Variants in IFNAR2 observed in about 807,000 individuals in gnomAD.
The protein encoded by IFNAR2 is interferon alpha/beta receptor 2.
IFNAR2 carries 30 observed loss-of-function variants against 49.4 expected under a neutral mutation model. That is an observed-to-expected ratio of 0.61 (90% CI 0.45 to 0.82). IFNAR2 has a LOEUF of 0.82. Among genes scored for constraint, IFNAR2 ranks in the 40% least tolerant of loss-of-function variants. The pLI is 0.00. For synonymous variants in IFNAR2, 224 were observed against 234.5 expected (o/e 0.96, Z 0.41); for missense variants, 600 against 622.7 (o/e 0.96, Z 0.39).
intron 5 of IFNAR2, among the ~76,000 whole-genome samples, chr21:33,248,272 C>G (rs1219862700): frequency 6.7e-6 from 1 of 150,040 alleles, no homozygotes; most frequent in African/African-American, 2.5e-5. Flanking sequence ...TTTGGGAGGC[C>G]TAGACCAGTG....
At chr21:33,234,087 A>G (rs1986258843) in intron 1 of IFNAR2, among the ~76,000 whole-genome samples, 1 of 152,168 alleles carries the variant, frequency 6.6e-6, no homozygotes, top group East Asian at 1.9e-4. Flanking sequence ...GGGATATCAT[A>G]GGAAATTATA....
intron 1 of IFNAR2, among the ~76,000 whole-genome samples, chr21:33,233,556 A>G (rs1382732900): frequency 6.6e-6 from 1 of 152,202 alleles, no homozygotes. Context: ...GGAGGGAAAA[A>G]CAAAATCAAG....
intron 8 of IFNAR2, among the ~76,000 whole-genome samples, chr21:33,261,648 G>T (rs1476868476): frequency 2.6e-5 from 4 of 152,150 alleles, no homozygotes; most frequent in Non-Finnish European, 5.9e-5. Flanking sequence ...GCTGAGGCGG[G>T]TGGATCATTT....
intron 8 of IFNAR2, 25 bp from the exon 9 acceptor site, chr21:33,262,768 C>A: frequency 6.4e-7 from 1 of 1,565,216 alleles, no homozygotes; most frequent in Non-Finnish European, 8.6e-7. Flanking sequence ...TACGGACTCT[C>A]TCTCTCTTTT....
intron 1 of IFNAR2, among the ~76,000 whole-genome samples, chr21:33,234,222 T>TGTGTATGC (rs1986278049): frequency 6.6e-6 from 1 of 151,808 alleles, no homozygotes; most frequent in Non-Finnish European, 1.5e-5. Context: ...TGTGTGTGTG[T>TGTGTATGC]GTTTATGCAT....
At chr21:33,232,279 A>T (rs1986118079) in intron 1 of IFNAR2, among the ~76,000 whole-genome samples, 1 of 152,226 alleles carries the variant, frequency 6.6e-6, no homozygotes, top group Non-Finnish European at 1.5e-5. Context: ...CTTTGGAAGA[A>T]TGAAACTGGG....
intron 2 of IFNAR2, 21 bp from the exon 3 acceptor site, chr21:33,243,652 A>T (rs755707460): frequency 1.2e-6 from 2 of 1,604,550 alleles, no homozygotes; most frequent in Non-Finnish European, 1.7e-6. Context: ...TTGCCTCTCT[A>T]ATGTGTTTTC....
intron 5 of IFNAR2, 83 bp from the exon 6 acceptor site, chr21:33,248,626 G>A (rs1987617714): frequency 3.8e-6 from 5 of 1,327,886 alleles, no homozygotes; most frequent in Non-Finnish European, 5.1e-6. Context: ...TTCTATACAG[G>A]GCCAGAGAAG....
intron 7 of IFNAR2, among the ~76,000 whole-genome samples, chr21:33,258,587 C>T (rs1018735619): frequency 1.3e-5 from 2 of 151,988 alleles, no homozygotes; most frequent in Non-Finnish European, 2.9e-5. Context: ...ACTAACTTTG[C>T]ATCATTTGTT....
At chr21:33,250,052 G>T (rs1453252301) in intron 6 of IFNAR2, among the ~76,000 whole-genome samples, 1 of 152,174 alleles carries the variant, frequency 6.6e-6, no homozygotes, top group African/African-American at 2.4e-5. Flanking sequence ...GACCACAGGG[G>T]CAAAGATGGG....
chr21:33,232,141 C>T (rs189285104), intron 1 of IFNAR2, among the ~76,000 whole-genome samples: 3 of 152,272 alleles, frequency 2.0e-5, no homozygotes, highest in East Asian at 1.9e-4. Context: ...GCCATGCCAC[C>T]AGAATGAAAG....
intron 8 of IFNAR2, 61 bp downstream of exon 8, chr21:33,260,788 AATTTGT>A: frequency 9.4e-7 from 1 of 1,068,044 alleles, no homozygotes; most frequent in Non-Finnish European, 1.3e-6. Flanking sequence ...TTAACTTAAG[AATTTGT>A]ATTTATATAA....
chr21:33,252,364 A>C, intron 6 of IFNAR2: 2 of 890,316 alleles, frequency 2.2e-6, no homozygotes, highest in Non-Finnish European at 3.1e-6. Flanking sequence ...TCTTGTAAAA[A>C]TGACGTCACA....
intron 1 of IFNAR2, among the ~76,000 whole-genome samples, chr21:33,237,078 G>GAT (rs3223272): frequency 2.9e-4 from 43 of 147,696 alleles, no homozygotes; most frequent in African/African-American, 9.5e-4. Context: ...GGGAGAATGG[G>GAT]GTGTGTGTGT....
chr21:33,254,850 T>TG (rs1386373455), intron 7 of IFNAR2, among the ~76,000 whole-genome samples: 3 of 152,200 alleles, frequency 2.0e-5, no homozygotes, highest in Non-Finnish European at 4.4e-5. Context: ...CGGGATCTCC[T>TG]GGGGCTGTGT....
intron 7 of IFNAR2, among the ~76,000 whole-genome samples, chr21:33,260,114 G>C (rs1988464153): frequency 6.6e-6 from 1 of 152,198 alleles, no homozygotes; most frequent in African/African-American, 2.4e-5. Context: ...AGCAAGGCAG[G>C]TTCTGCAGAG....
chr21:33,262,921 T>C lies in IFNAR2; in HGVS notation c.969T>C (p.Asp323=), dbSNP rs778263523. The change falls in exon 9 of 9, where the codon GAT becomes GAC. Residue 323 remains aspartate, a synonymous_variant. Transcript: ENST00000342136. ...VWDYNYDDES[D]SDTEAAPRTS... ...ATTATAATTATGATGATGAAAGTGA[T>C]AGCGATACTGAGGCAGCGCCCAGGA... is the stretch of plus-strand genomic sequence containing the variant. The C allele has an allele frequency of 3.7e-6, 6 of 1,614,066 alleles. No homozygotes were observed. The highest frequency in any genetic ancestry group is 5.1e-6 in the Non-Finnish European group (6 of 1,180,018).
intron 1 of IFNAR2, among the ~76,000 whole-genome samples, chr21:33,236,586 G>A (rs911959581): frequency 1.3e-5 from 2 of 152,150 alleles, no homozygotes; most frequent in African/African-American, 4.8e-5. Context: ...GCACCAGGAG[G>A]GCTTCAGCGG....
intron 7 of IFNAR2, 62 bp from the exon 8 acceptor site, chr21:33,260,535 T>A (rs906163774): frequency 1.3e-6 from 2 of 1,495,334 alleles, no homozygotes; most frequent in African/African-American, 2.9e-5. Context: ...TGTACATTTA[T>A]TTCCATCTGC....
Sources: gnomAD v4.1 joint callset for allele counts (sites outside exome capture counted in the v4.1 genomes callset) on GRCh38, gnomAD v4.1.1 for gene constraint, MANE v1.5 for transcripts, NCBI Gene and HGNC (gene_info 2026-07-23, HGNC 2026-07-21) for gene names.